Variants in NISCH observed in about 807,000 individuals in gnomAD.
NISCH encodes nischarin.
Under a neutral mutation model 138.4 loss-of-function variants are expected in NISCH, and 55 were observed. That is an observed-to-expected ratio of 0.40 (90% CI 0.32 to 0.50). NISCH has a LOEUF of 0.50. NISCH is among the 20% of genes least tolerant of loss of function. The probability of loss-of-function intolerance (pLI) is 0.71; values close to 1 mark genes in which losing one functional copy is unlikely to be tolerated. For synonymous variants in NISCH, 860 were observed against 861.5 expected (o/e 1.00, Z 0.03); for missense variants, 1,643 against 2,005.5 (o/e 0.82, Z 3.45).
At chr3:52,482,902 C>G (rs573292056) in intron 13 of NISCH, among the ~76,000 whole-genome samples, 3 of 152,154 alleles carry the variant, frequency 2.0e-5, no homozygotes, top group Non-Finnish European at 4.4e-5. Flanking sequence ...CAGACTGTGC[C>G]CCTGGGGAGC....
intron 7 of NISCH, among the ~76,000 whole-genome samples, chr3:52,474,420 C>T (rs1262310200): frequency 2.0e-5 from 3 of 152,124 alleles, no homozygotes; most frequent in Non-Finnish European, 2.9e-5. Flanking sequence ...CCTCAGCCTC[C>T]CAAGTAGCTG....
rs1347459484 is a variant in NISCH, at chr3:52,491,930, T to A, written c.3963T>A (p.Ser1321Arg). The change falls in exon 21 of 21, where the codon AGT becomes AGA. Residue 1321 changes from serine (S) to arginine (R), a missense_variant. Coordinates refer to ENST00000345716, the MANE Select transcript of NISCH (RefSeq NM_007184.4). Reference sequence around the variant, plus strand: ...GTCGCGTCAAGTTTACCTACCCCAGTGAGGAGGAGATTGGGGACCTGACGT... The same window carrying A: ...GTCGCGTCAAGTTTACCTACCCCAGAGAGGAGGAGATTGGGGACCTGACGT... ...HSSRVKFTYP[S>R]EEEIGDLTFT... 2 of 1,613,230 alleles carry A rather than the reference T, an allele frequency of 1.2e-6. No homozygotes were observed. Among genetic ancestry groups the A allele is most frequent in the Non-Finnish European group, 1.7e-6 (2 of 1,179,878 alleles).
At position 52,488,213 on chromosome 3, in the gene NISCH, C is replaced by CT; in HGVS notation, c.2722dup (p.Tyr908LeufsTer61). 6.2e-7 allele frequency: 1 copy of CT among 1,612,886 alleles called. No individual in the cohort carries two copies. The highest frequency in any genetic ancestry group is 8.5e-7 in the Non-Finnish European group (1 of 1,179,988). ...AGGCCGTCAAGTCCGCCGCCATCCC[C>CT]TACTGGCTGTTGCTCACGCCCCAGC... On this transcript the variant is annotated frameshift_variant, in exon 16 of 21. Coordinates refer to ENST00000345716, the MANE Select transcript of NISCH (RefSeq NM_007184.4). LOFTEE classifies it high-confidence loss of function.
Position 52,483,412 on chromosome 3 carries a change from A to G in NISCH, c.1529-1101A>G, listed in dbSNP as rs535611425. On this transcript the variant is annotated intron_variant, in intron 13 of 20. Transcript: ENST00000345716. Reference sequence around the variant, plus strand: ...TCAGTGAGACTGGCGGCCGATGCCCAGTGTTCACCCTGCTGGCGGCAGTCA... The same window carrying G: ...TCAGTGAGACTGGCGGCCGATGCCCGGTGTTCACCCTGCTGGCGGCAGTCA... Among the ~76,000 whole-genome samples the G allele has an allele frequency of 3.2e-4, 49 of 152,330 alleles. No individual in the cohort carries two copies. The East Asian group carries it at 8.3e-3, about 26-fold the overall frequency.
Position 52,488,088 on chromosome 3 carries a change from C to G in NISCH, c.2596C>G (p.Arg866Gly). Reference sequence around the variant, plus strand: ...CGTCTACCTGGTCTACAGTGACAAGCGCATGGTGCAGACGGCCGCCGGGGA... The same window carrying G: ...CGTCTACCTGGTCTACAGTGACAAGGGCATGGTGCAGACGGCCGCCGGGGA... ...FPVYLVYSDK[R>G]MVQTAAGDYS... is the part of the protein sequence containing the mutation. The change falls in exon 16 of 21, where the codon CGC (arginine) becomes GGC (glycine). Residue 866 changes from arginine (R) to glycine (G), a missense_variant. Transcript: ENST00000345716. 1.2e-6 allele frequency: 2 copies of G among 1,612,854 alleles called. No homozygotes were observed. The highest frequency in any genetic ancestry group is 2.2e-5 in the South Asian group (2 of 91,080).
intron 13 of NISCH, among the ~76,000 whole-genome samples, chr3:52,483,927 C>T (rs1192186718): frequency 6.6e-6 from 1 of 152,264 alleles, no homozygotes; most frequent in Non-Finnish European, 1.5e-5. Flanking sequence ...CCAGGCCACA[C>T]AGTCAGTCTG....
intron 20 of NISCH, 34 bp from the exon 21 acceptor site, chr3:52,491,838 T>A: frequency 1.9e-6 from 3 of 1,544,222 alleles, no homozygotes; most frequent in Non-Finnish European, 2.6e-6. Context: ...AGGGGCCGGT[T>A]CCAGGCTATA....
Position 52,479,772 on chromosome 3 carries a change from C to A in NISCH, c.1326C>A (p.Thr442=), listed in dbSNP as rs773181204. 5.0e-6 allele frequency: 8 copies of A among 1,613,550 alleles called. No individual in the cohort carries two copies. Among genetic ancestry groups the A allele is most frequent in the Non-Finnish European group, 6.8e-6 (8 of 1,179,766 alleles). Residue 442 remains threonine (T), a synonymous_variant, in exon 12 of 21, where the codon ACC becomes ACA. Transcript: ENST00000345716. ...ASEVCLDDTV[T]TEKELDTVEV... ...AGGTCTGTCTGGATGACACAGTGAC[C>A]ACAGAGAAGGAGCTGGACACTGTGG...
At chr3:52,479,096 C>T (rs1707189857) in intron 11 of NISCH, among the ~76,000 whole-genome samples, 1 of 152,206 alleles carries the variant, frequency 6.6e-6, no homozygotes, top group Non-Finnish European at 1.5e-5. Flanking sequence ...TGTCCCACCT[C>T]CCTCTTTGTG....
rs1707457309 is a variant in NISCH at position 52,488,151 on chromosome 3, T to C, written c.2659T>C (p.Cys887Arg). Residue 887 changes from cysteine (C) to arginine (R), a missense_variant, in exon 16 of 21, where the codon TGT (cysteine) becomes CGT (arginine). Cys to Arg is a radical substitution (Grantham distance 180). Coordinates refer to ENST00000345716, the MANE Select transcript of NISCH (RefSeq NM_007184.4). ...CATCGAGTGGGCCAGCTGCACACTCTGTTCAGCCGTGCGGCGCTCCTGCTG... is the reference window on the plus strand; with the variant it reads ...CATCGAGTGGGCCAGCTGCACACTCCGTTCAGCCGTGCGGCGCTCCTGCTG... ...GNIEWASCTL[C>R]SAVRRSCCAP... The C allele has an allele frequency of 3.7e-6, 6 of 1,613,310 alleles. No homozygotes were observed. The highest frequency in any genetic ancestry group is 5.1e-6 in the Non-Finnish European group (6 of 1,179,976).
chr3:52,465,192 C>G (rs1042546968), intron 3 of NISCH, among the ~76,000 whole-genome samples: 1 of 152,040 alleles, frequency 6.6e-6, no homozygotes, highest in Non-Finnish European at 1.5e-5. Context: ...TGCAGTGGCA[C>G]CATCTCGGCT....
chr3:52,492,574 C>CT lies in NISCH; in HGVS notation c.*95dup. 1 of 1,377,868 alleles carries CT rather than the reference C, an allele frequency of 7.3e-7. No individual in the cohort carries two copies. Among genetic ancestry groups the CT allele is most frequent in the African/African-American group, 1.5e-5 (1 of 68,926 alleles). The allele number at this position is 1,377,868 out of a possible 1,614,324, so 85.4% of individuals were successfully genotyped here. ...GTTCTCTAAAAATGTTTTATCCTCC[C>CT]TTTGGTACCTTAATTTGACTGTCCT... On this transcript the variant is annotated 3_prime_UTR_variant, in exon 21 of 21. Coordinates refer to ENST00000345716, the MANE Select transcript of NISCH (RefSeq NM_007184.4).
At chr3:52,489,040 G>T (rs546730905) in intron 16 of NISCH, among the ~76,000 whole-genome samples, 1 of 152,320 alleles carries the variant, frequency 6.6e-6, no homozygotes, top group South Asian at 2.1e-4. Context: ...GGCTCTGTGG[G>T]CCAGGATCTG....
At position 52,480,173 on chromosome 3, in the gene NISCH, C is replaced by G. The variant is rs970331537; in HGVS notation, c.1417-11C>G. The G allele has an allele frequency of 2.5e-6, 4 of 1,613,672 alleles. No homozygotes were observed. The Admixed American group carries it at 5.0e-5, about 20-fold the overall frequency. On this transcript the variant is annotated splice_polypyrimidine_tract_variant and intron_variant, in intron 12 of 20. Transcript: ENST00000345716. ...CTTCTCTCCCGGGCTGACTCAAGCA[C>G]TCGTCCTCAGGGTGGTGAAGACTCC...
At chr3:52,464,943 C>T (rs938149602) in intron 3 of NISCH, among the ~76,000 whole-genome samples, 3 of 152,162 alleles carry the variant, frequency 2.0e-5, no homozygotes, top group Non-Finnish European at 4.4e-5. Flanking sequence ...GATGGGATAA[C>T]AGGCGTAAGC....
chr3:52,480,518 G>A lies in NISCH; in HGVS notation c.1528+223G>A, dbSNP rs144257670. 1.6e-4 allele frequency: 238 copies of A among 1,509,548 alleles called. 1 individual carries two copies. In the East Asian group the frequency reaches 4.6e-3, roughly 29 times the overall value. 93.5% of individuals were successfully genotyped at this position (1,509,548 alleles called of 1,614,324 possible). A position where few individuals can be genotyped will look rare whatever the true frequency, so the allele number is the denominator to read the frequency against. ...CTTGGTGAGGACTCCCAATTGCTCT[G>A]ATGCCCACATCCAGCTCCTCTAGGA... is the stretch of plus-strand genomic sequence containing the variant. On this transcript the variant is annotated intron_variant, in intron 13 of 20. Transcript: ENST00000345716.
At chr3:52,469,572 C>T (rs1706882125) in intron 3 of NISCH, among the ~76,000 whole-genome samples, 1 of 152,154 alleles carries the variant, frequency 6.6e-6, no homozygotes, top group African/African-American at 2.4e-5. Context: ...TTCAAGACCA[C>T]CCTGGGCAAC....
chr3:52,458,575 A>G, intron 2 of NISCH, 87 bp from the exon 3 acceptor site: 1 of 1,166,392 alleles, frequency 8.6e-7, no homozygotes, highest in Non-Finnish European at 1.2e-6. Context: ...AGTGCTGACA[A>G]GCGCCTGCCC....
At chr3:52,458,136 T>A (rs1017422353) in intron 2 of NISCH, among the ~76,000 whole-genome samples, 12 of 152,256 alleles carry the variant, frequency 7.9e-5, no homozygotes, top group African/African-American at 2.9e-4. Flanking sequence ...AGGAGCATAT[T>A]TGAATTTCAG....
Sources: gnomAD v4.1 joint callset for allele counts (sites outside exome capture counted in the v4.1 genomes callset) on GRCh38, gnomAD v4.1.1 for gene constraint, MANE v1.5 for transcripts, NCBI Gene and HGNC (gene_info 2026-07-23, HGNC 2026-07-21) for gene names.